The following TRAPPC10 variants were observed in gnomAD, a reference collection of about 807,000 sequenced individuals.
TRAPPC10 encodes the protein TRAPP 130 kDa subunit.
A neutral mutation model predicts 125.5 loss-of-function variants in TRAPPC10; 23 were observed. That is an observed-to-expected ratio of 0.18 (90% confidence interval 0.13 to 0.26). The LOEUF is 0.26. Ranked by LOEUF, TRAPPC10 falls within the 10% of genes least tolerant of loss-of-function variation. The probability of loss-of-function intolerance (pLI) is 1.00; values close to 1 mark genes in which losing one functional copy is unlikely to be tolerated. For missense variants in TRAPPC10, 1,123 were observed against 1,308.4 expected (o/e 0.86, Z 2.19); for synonymous variants, 509 against 518.0 (o/e 0.98, Z 0.24).
chr21:44,055,577 C>CAAAAA lies in TRAPPC10; in HGVS notation c.483-109_483-105dup. On this transcript the variant is annotated intron_variant, in intron 4 of 22. Transcript: ENST00000291574. ...TGGGCCACAGAGCAAAACTCTGTCT[C>CAAAAA]AAAAAAAAAAAAAAAAGGAGGAGGA... 17 of 591,614 alleles carry CAAAAA rather than the reference C, an allele frequency of 2.9e-5. No individual in the cohort carries two copies. The South Asian group carries it at 4.7e-4, about 16-fold the overall frequency. 36.6% of individuals were successfully genotyped at this position (591,614 alleles called of 1,614,324 possible).
At chr21:44,081,027 T>C (rs867399462) in intron 13 of TRAPPC10, among the ~76,000 whole-genome samples, 5 of 139,142 alleles carry the variant, frequency 3.6e-5, no homozygotes, top group Admixed American at 6.9e-5. Context: ...CTTTTTTTTT[T>C]TTTTTTTTTT....
At chr21:44,034,412 G>A (rs1049190251) in intron 2 of TRAPPC10, among the ~76,000 whole-genome samples, 107 of 146,286 alleles carry the variant, frequency 7.3e-4, no homozygotes, top group Non-Finnish European at 1.3e-3. Context: ...CCTCGGATCT[G>A]AGGTGCTGCA....
chr21:44,051,408 T>C (rs1180369300), intron 3 of TRAPPC10, among the ~76,000 whole-genome samples: 1 of 152,208 alleles, frequency 6.6e-6, no homozygotes, highest in Non-Finnish European at 1.5e-5. Flanking sequence ...GAATTAAGTA[T>C]CTTGGTTTTA....
chr21:44,042,386 A>C (rs945513967), intron 3 of TRAPPC10, among the ~76,000 whole-genome samples: 4 of 152,088 alleles, frequency 2.6e-5, no homozygotes, highest in Non-Finnish European at 4.4e-5. Context: ...CCTTTCATTA[A>C]ATAGTTGTTT....
Position 44,087,102 on chromosome 21 carries a change from C to T in TRAPPC10, c.2539+142C>T, listed in dbSNP as rs771076795. 107 of 919,476 alleles carry T rather than the reference C, an allele frequency of 1.2e-4. No homozygotes were observed. The highest frequency in any genetic ancestry group is 7.0e-4 in the African/African-American group (42 of 59,774). The allele number at this position is 919,476 out of a possible 1,614,324, so 57.0% of individuals were successfully genotyped here. The stretch of plus-strand genomic sequence containing the variant: ...GAGTCCGTGTTCCATAGGAGCCCTG[C>T]GGCCTGATGCCTGTGCTGGGGTCCC... On this transcript the variant is annotated intron_variant, in intron 16 of 22. Coordinates refer to ENST00000291574, the MANE Select transcript of TRAPPC10 (RefSeq NM_003274.5). The surrounding 1 kb of genome is among the most constrained non-coding windows in gnomAD (Gnocchi z 4.6).
intron 15 of TRAPPC10, among the ~76,000 whole-genome samples, chr21:44,085,636 G>A (rs1280440406): frequency 6.6e-6 from 1 of 152,020 alleles, no homozygotes; most frequent in Non-Finnish European, 1.5e-5. Flanking sequence ...GAGCCCAGGA[G>A]TTTGAGGCCT....
chr21:44,090,819 T>C (rs978806952), intron 18 of TRAPPC10, among the ~76,000 whole-genome samples: 2 of 152,182 alleles, frequency 1.3e-5, no homozygotes, highest in Non-Finnish European at 2.9e-5. Context: ...GCAGCTTTTT[T>C]CCCCTTCAAA....
At chr21:44,083,342 A>G (rs188096168) in intron 14 of TRAPPC10, 40 bp downstream of exon 14, 1 of 1,592,608 alleles carries the variant, frequency 6.3e-7, no homozygotes, top group African/African-American at 1.3e-5. Flanking sequence ...CAAGTTTGTA[A>G]AGCAGGGCCG....
chr21:44,072,972 A>G (rs1160942780), intron 7 of TRAPPC10, among the ~76,000 whole-genome samples: 3 of 152,216 alleles, frequency 2.0e-5, no homozygotes, highest in African/African-American at 4.8e-5. Flanking sequence ...ACGCTCATCA[A>G]TCGGAGGGAC....
intron 1 of TRAPPC10, among the ~76,000 whole-genome samples, chr21:44,028,922 C>A (rs1031050721): frequency 1.3e-5 from 2 of 152,194 alleles, no homozygotes; most frequent in Admixed American, 6.5e-5. Context: ...TAGCCTGGAA[C>A]GTGCTCTGCC....
intron 4 of TRAPPC10, 94 bp from the exon 5 acceptor site, chr21:44,055,604 G>A (rs1331074559): frequency 1.0e-6 from 1 of 989,582 alleles, no homozygotes; most frequent in Non-Finnish European, 1.4e-6. Flanking sequence ...GGAGGAGGAA[G>A]GAAGAAAATT....
intron 7 of TRAPPC10, among the ~76,000 whole-genome samples, chr21:44,065,300 G>T (rs746770583): frequency 5.9e-5 from 9 of 152,188 alleles, no homozygotes; most frequent in Non-Finnish European, 1.3e-4. Context: ...TACGGGGTCT[G>T]TTGGCTCCTC....
chr21:44,066,098 G>A (rs977461476), intron 7 of TRAPPC10, among the ~76,000 whole-genome samples: 4 of 152,190 alleles, frequency 2.6e-5, no homozygotes, highest in African/African-American at 9.7e-5. Flanking sequence ...AGGCCAGGGG[G>A]TAGGTGTGCC....
chr21:44,080,206 C>A, intron 13 of TRAPPC10, 79 bp downstream of exon 13: 1 of 1,214,504 alleles, frequency 8.2e-7, no homozygotes, highest in Non-Finnish European at 1.2e-6. Context: ...ATATACCAAC[C>A]ACTTACAGTA....
intron 3 of TRAPPC10, among the ~76,000 whole-genome samples, chr21:44,045,252 T>G (rs2145782295): frequency 6.6e-6 from 1 of 152,190 alleles, no homozygotes; most frequent in Admixed American, 6.5e-5. Context: ...GTCTCTTCCT[T>G]TGTGCAGATC....
chr21:44,079,646 A>G lies in TRAPPC10; in HGVS notation c.1552A>G (p.Ile518Val), dbSNP rs771185975. ...NYLAEGWALP[I>V]THTRKQLAEC... Reference sequence around the variant, plus strand: ...CCTGGCTGAGGGCTGGGCACTCCCCATCACACACACAAGGAAGCAGCTGGC... The same window carrying G: ...CCTGGCTGAGGGCTGGGCACTCCCCGTCACACACACAAGGAAGCAGCTGGC... The change falls in exon 12 of 23, where the codon ATC (isoleucine) becomes GTC (valine). Residue 518 changes from isoleucine (I) to valine (V), a missense_variant. This residue lies in a region of TRAPPC10 where 840 missense variants were observed against 902.0 expected (regional missense o/e 0.93). Transcript: ENST00000291574. 1.2e-6 allele frequency: 2 copies of G among 1,611,690 alleles called. No individual in the cohort carries two copies. Among genetic ancestry groups the G allele is most frequent in the Non-Finnish European group, 1.7e-6 (2 of 1,179,444 alleles).
intron 3 of TRAPPC10, 82 bp downstream of exon 3, chr21:44,038,009 G>A (rs1252462418): frequency 6.5e-7 from 1 of 1,538,496 alleles, no homozygotes; most frequent in East Asian, 2.3e-5. Context: ...ACCAGTGGGG[G>A]AAGAGGACGC....
At chr21:44,041,646 A>G (rs2034431199) in intron 3 of TRAPPC10, among the ~76,000 whole-genome samples, 1 of 151,316 alleles carries the variant, frequency 6.6e-6, no homozygotes, top group East Asian at 1.9e-4. Context: ...TTTTGGGATT[A>G]CAGGCGTGAG....
chr21:44,094,085 T>C lies in TRAPPC10; in HGVS notation c.3020T>C (p.Val1007Ala), dbSNP rs777601839. Residue 1007 changes from valine (V) to alanine (A), a missense_variant, in exon 20 of 23, where the codon GTG (valine) becomes GCG (alanine). Val to Ala is a moderately conservative substitution (Grantham distance 64). Transcript: ENST00000291574. The stretch of plus-strand genomic sequence containing the variant: ...CAGCCCATCTACAGCAAGCAGTCGG[T>C]GTTCTTCGTCTGGGAACTCAAGTGG... ...SQQPIYSKQS[V>A]FFVWELKWTE... 3.7e-6 allele frequency: 6 copies of C among 1,613,884 alleles called. No homozygotes were observed. Among genetic ancestry groups the C allele is most frequent in the Admixed American group, 1.7e-5 (1 of 59,982 alleles).
Sources: gnomAD v4.1 joint callset for allele counts (sites outside exome capture counted in the v4.1 genomes callset) on GRCh38, gnomAD v4.1.1 for gene constraint, gnomAD v4.1.1 regional missense constraint, Gnocchi (gnomAD v3.1) non-coding constraint, MANE v1.5 for transcripts, NCBI Gene and HGNC (gene_info 2026-07-23, HGNC 2026-07-21) for gene names.